KMT2E: variants seen among roughly 807,000 people sequenced by gnomAD.
KMT2E encodes lysine methyltransferase 2E (inactive).
KMT2E carries 30 observed loss-of-function variants against 184.6 expected under a neutral mutation model. That is an observed-to-expected ratio of 0.16 (90% CI 0.12 to 0.22). The LOEUF (loss-of-function observed/expected upper bound fraction) is 0.22. Among genes scored for constraint, KMT2E ranks in the 10% least tolerant of loss-of-function variants. KMT2E has a pLI of 1.00. For missense variants in KMT2E, 2,023 were observed against 2,237.4 expected (o/e 0.90, Z 1.93); for synonymous variants, 815 against 776.5 (o/e 1.05, Z -0.82).
intron 1 of KMT2E, among the ~76,000 whole-genome samples, chr7:105,017,738 G>A (rs528180668): frequency 9.9e-5 from 15 of 152,248 alleles, no homozygotes; most frequent in African/African-American, 3.4e-4. Flanking sequence ...AAGTGGATTT[G>A]TAGAGAACTA....
intron 15 of KMT2E, among the ~76,000 whole-genome samples, chr7:105,098,727 G>T (rs922096818): frequency 1.3e-5 from 2 of 152,220 alleles, no homozygotes; most frequent in Admixed American, 1.3e-4. Flanking sequence ...GGAGATGGGA[G>T]TCTTGCTTTG....
At chr7:105,055,755 C>A (rs1796551306) in intron 3 of KMT2E, among the ~76,000 whole-genome samples, 2 of 152,156 alleles carry the variant, frequency 1.3e-5, no homozygotes, top group Admixed American at 6.6e-5. Flanking sequence ...CATCTCTTTG[C>A]CTTCTCTATT....
chr7:105,063,228 G>A (rs1796895360), intron 4 of KMT2E, 123 bp from the exon 5 acceptor site: 1 of 667,174 alleles, frequency 1.5e-6, no homozygotes. Context: ...ATTAAGGAAG[G>A]AATGAGCCAG....
At position 105,086,700 on chromosome 7, in the gene KMT2E, G is replaced by A. The variant is rs1191078739; in HGVS notation, c.1359-3309G>A. Among the ~76,000 whole-genome samples the A allele has an allele frequency of 1.0e-4, 15 of 150,102 alleles. No individual in the cohort carries two copies. In the Admixed American group the frequency reaches 1.0e-3, roughly 10 times the overall value. ...ATATTGCGCCACTGCACTCCAGCCTGGGTGACAGAGCGAGACTCCATCTCA... is the reference window on the plus strand; with the variant it reads ...ATATTGCGCCACTGCACTCCAGCCTAGGTGACAGAGCGAGACTCCATCTCA... On this transcript the variant is annotated intron_variant, in intron 13 of 26. Coordinates refer to ENST00000311117, the MANE Select transcript of KMT2E (RefSeq NM_182931.3).
chr7:105,090,348 T>C (rs1798150532), intron 14 of KMT2E, 75 bp downstream of exon 14: 5 of 1,468,088 alleles, frequency 3.4e-6, no homozygotes, highest in Non-Finnish European at 3.7e-6. Context: ...TCTTCTTTGT[T>C]CTATGTATAA....
At chr7:105,101,857 A>C in intron 16 of KMT2E, 29 bp from the exon 17 acceptor site, 1 of 1,540,286 alleles carries the variant, frequency 6.5e-7, no homozygotes, top group Non-Finnish European at 8.8e-7. Context: ...GTAGTATAAA[A>C]ACTTCCATTC....
rs1423517625 is a variant in KMT2E, at chr7:105,028,337, C to A, written c.-188-9789C>A. On this transcript the variant is annotated intron_variant, in intron 1 of 26. Transcript: ENST00000311117. Reference sequence around the variant, plus strand: ...GCATGGGCCACCATGCCCGACTAATCTTTGAATTTCTTTGGAGACTGGGTT... The same window carrying A: ...GCATGGGCCACCATGCCCGACTAATATTTGAATTTCTTTGGAGACTGGGTT... Among the ~76,000 whole-genome samples, 3 of 152,026 alleles carry A rather than the reference C, an allele frequency of 2.0e-5. No homozygotes were observed. The East Asian group carries it at 5.8e-4, about 29-fold the overall frequency.
At position 105,071,582 on chromosome 7, in the gene KMT2E, GTATATATA is replaced by G. The variant is rs1554392567; in HGVS notation, c.498-2017_498-2010del. Among the ~76,000 whole-genome samples, 10 of 34,944 alleles carry G rather than the reference GTATATATA, an allele frequency of 2.9e-4. No homozygotes were observed. The East Asian group carries it at 3.2e-3, about 11-fold the overall frequency. The allele number at this position is 34,944 out of a possible 152,430, so 22.9% of individuals were successfully genotyped here. A position where few individuals can be genotyped will look rare whatever the true frequency, so the allele number is the denominator to read the frequency against. On this transcript the variant is annotated intron_variant, in intron 6 of 26. Coordinates refer to ENST00000311117, the MANE Select transcript of KMT2E (RefSeq NM_182931.3). Reference sequence around the variant, plus strand: ...TGTATGTATGTATGTATGTGTGTGTGTATATATATATATATATATATATATATTTTTTT... The same window carrying G: ...TGTATGTATGTATGTATGTGTGTGTGTATATATATATATATATATTTTTTT...
chr7:105,067,588 C>T (rs115247343), intron 6 of KMT2E, among the ~76,000 whole-genome samples: 3 of 152,222 alleles, frequency 2.0e-5, no homozygotes, highest in Admixed American at 6.5e-5. Flanking sequence ...TCCCAGATAT[C>T]GTATTATTTC....
chr7:105,064,046 A>T, intron 5 of KMT2E: 1 of 453,146 alleles, frequency 2.2e-6, no homozygotes, highest in Non-Finnish European at 4.4e-6. Context: ...AGTCTCCTTG[A>T]ACCAGAACCA....
At chr7:105,045,791 T>C (rs1796077401) in intron 3 of KMT2E, among the ~76,000 whole-genome samples, 1 of 152,242 alleles carries the variant, frequency 6.6e-6, no homozygotes, top group East Asian at 1.9e-4. Flanking sequence ...CTGTTTTAAA[T>C]TCTTTTGGTT....
intron 1 of KMT2E, among the ~76,000 whole-genome samples, chr7:105,035,774 G>GTCTCGAACTT (rs1795626210): frequency 6.6e-6 from 1 of 151,672 alleles, no homozygotes; most frequent in African/African-American, 2.4e-5. Flanking sequence ...GGCCAGGCTG[G>GTCTCGAACTT]TCTCGAACTT....
chr7:105,082,711 T>C (rs1797805998), intron 13 of KMT2E, among the ~76,000 whole-genome samples: 1 of 152,192 alleles, frequency 6.6e-6, no homozygotes, highest in African/African-American at 2.4e-5. Flanking sequence ...TAGTAATTTC[T>C]GCCTGGCTTT....
chr7:105,029,246 A>C (rs1459787441), intron 1 of KMT2E, among the ~76,000 whole-genome samples: 1 of 152,190 alleles, frequency 6.6e-6, no homozygotes, highest in South Asian at 2.1e-4. Flanking sequence ...AAAAAAAAAC[A>C]CTACTTGAAG....
At chr7:105,040,792 T>G in intron 2 of KMT2E, 47 bp from the exon 3 acceptor site, 1 of 423,682 alleles carries the variant, frequency 2.4e-6, no homozygotes, top group Non-Finnish European at 4.2e-6. Context: ...TTTTACTTAC[T>G]GTTATAGTGT....
intron 15 of KMT2E, chr7:105,091,646 C>T: frequency 2.4e-6 from 1 of 417,280 alleles, no homozygotes; most frequent in East Asian, 3.7e-5. Flanking sequence ...TAAATGTATC[C>T]TCTCATGATT....
intron 6 of KMT2E, among the ~76,000 whole-genome samples, chr7:105,068,001 T>C (rs1038434498): frequency 6.6e-6 from 1 of 152,174 alleles, no homozygotes; most frequent in Non-Finnish European, 1.5e-5. Flanking sequence ...AAGCCATTAT[T>C]GTACATGGAA....
At chr7:105,102,285 A>C in intron 17 of KMT2E, 91 bp downstream of exon 17, 8 of 1,094,772 alleles carry the variant, frequency 7.3e-6, no homozygotes, top group Non-Finnish European at 1.0e-5. Context: ...TTAAGACCTC[A>C]TAATAATAAG....
At chr7:105,034,614 AT>A (rs1795555927) in intron 1 of KMT2E, among the ~76,000 whole-genome samples, 1 of 151,852 alleles carries the variant, frequency 6.6e-6, no homozygotes, top group South Asian at 2.1e-4. Context: ...GTTTGTCTAG[AT>A]TTAGTTCTGT....
Sources: allele counts gnomAD v4.1 joint callset (sites outside exome capture counted in the v4.1 genomes callset), GRCh38; gene constraint gnomAD v4.1.1; transcripts MANE v1.5; gene names NCBI Gene and HGNC (gene_info 2026-07-23, HGNC 2026-07-21).